The following TULP4 variants were observed in gnomAD, a reference collection of about 807,000 sequenced individuals.
TULP4 encodes the protein TUB like protein 4.
In TULP4, 16 loss-of-function variants were observed where a neutral mutation model predicts 129.0. The ratio of observed to expected loss-of-function variants is 0.12; its 90% confidence interval spans 0.08 to 0.19. The LOEUF (loss-of-function observed/expected upper bound fraction) is 0.19. Ranked by LOEUF, TULP4 falls within the 10% of genes least tolerant of loss-of-function variation. The pLI is 1.00. For missense variants in TULP4, 1,842 were observed against 2,059.1 expected (o/e 0.89, Z 2.04); for synonymous variants, 998 against 854.0 (o/e 1.17, Z -2.94).
intron 1 of TULP4, among the ~76,000 whole-genome samples, chr6:158,304,940 T>A (rs1253001553): frequency 6.6e-6 from 1 of 152,176 alleles, no homozygotes; most frequent in Non-Finnish European, 1.5e-5. Flanking sequence ...GTGTTGGGAT[T>A]ATGGGTGTGA....
intron 1 of TULP4, among the ~76,000 whole-genome samples, chr6:158,322,977 G>A (rs530152860): frequency 2.6e-5 from 4 of 152,184 alleles, no homozygotes; most frequent in Non-Finnish European, 5.9e-5. Context: ...CACGTTTAGC[G>A]CGTGCTTTTC....
intron 13 of TULP4, among the ~76,000 whole-genome samples, chr6:158,505,233 T>C (rs1484593734): frequency 4.6e-5 from 7 of 152,222 alleles, no homozygotes; most frequent in Non-Finnish European, 1.0e-4. Context: ...TTCACCATCC[T>C]GTAAAGTCCC....
At chr6:158,306,192 A>G (rs991422863) in intron 1 of TULP4, among the ~76,000 whole-genome samples, 5 of 152,268 alleles carry the variant, frequency 3.3e-5, no homozygotes, top group African/African-American at 1.2e-4. Context: ...TTAACAGTAT[A>G]TGTGAAATGG....
chr6:158,272,583 C>T (rs2128462462), intron 1 of TULP4, among the ~76,000 whole-genome samples: 1 of 152,292 alleles, frequency 6.6e-6, no homozygotes, highest in Middle Eastern at 3.4e-3. Context: ...TCACTGAAAT[C>T]CCTCCACAGC....
In TULP4 at chr6:158,498,775, C is replaced by T; in HGVS notation, c.1977C>T (p.Asn659=). 1 of 1,614,200 alleles carries T rather than the reference C, an allele frequency of 6.2e-7. No individual in the cohort carries two copies. Among genetic ancestry groups the T allele is most frequent in the Non-Finnish European group, 8.5e-7 (1 of 1,180,024 alleles). The change falls in exon 12 of 14, where the codon AAC becomes AAT. Residue 659 remains asparagine (N), a synonymous_variant. Coordinates refer to ENST00000367097, the MANE Select transcript of TULP4 (RefSeq NM_020245.5). ...SMDYINLPVF[N]PNVFSEDEDD... The stretch of plus-strand genomic sequence containing the variant: ...ACTATATTAATTTACCTGTCTTCAA[C>T]CCAAATGTTTTCAGTGAAGATGAAG...
At chr6:158,245,063 A>G in intron 1 of TULP4, among the ~76,000 whole-genome samples, 1 of 151,852 alleles carries the variant, frequency 6.6e-6, no homozygotes, top group East Asian at 1.9e-4. Flanking sequence ...GATCATGCTT[A>G]CTGCAGCCTG....
chr6:158,440,165 C>G (rs1583877579), intron 3 of TULP4, among the ~76,000 whole-genome samples: 1 of 151,512 alleles, frequency 6.6e-6, no homozygotes, highest in Non-Finnish European at 1.5e-5. Context: ...ACAAAAAATA[C>G]AAAAATTATC....
At chr6:158,234,409 G>A (rs1777650476) in intron 1 of TULP4, among the ~76,000 whole-genome samples, 1 of 152,240 alleles carries the variant, frequency 6.6e-6, no homozygotes, top group Admixed American at 6.5e-5. Flanking sequence ...TTATAGGACA[G>A]TGGGAAGCCC....
rs199987597 is a variant in TULP4, at chr6:158,502,637, C to T, written c.2974C>T (p.Arg992Cys). 430 of 1,587,640 alleles carry T rather than the reference C, an allele frequency of 2.7e-4. 2 individuals carry two copies. The highest frequency in any genetic ancestry group is 2.0e-3 in the East Asian group (88 of 44,652). Residue 992 changes from arginine (R) to cysteine (C), a missense_variant, in exon 13 of 14, where the codon CGT becomes TGT. Coordinates refer to ENST00000367097, the MANE Select transcript of TULP4 (RefSeq NM_020245.5). ...CCACGCTACCCTGCGGAGGAACAAC[C>T]GTGAGGCTACGCTCAAGATGGCCCA... ...LIHATLRRNN[R>C]EATLKMAQLA... is the part of the protein sequence containing the mutation.
intron 1 of TULP4, among the ~76,000 whole-genome samples, chr6:158,393,124 C>T (rs912090634): frequency 6.6e-6 from 1 of 152,150 alleles, no homozygotes; most frequent in Admixed American, 6.5e-5. Flanking sequence ...AAGACTGAAA[C>T]CCAGCAGAAC....
chr6:158,264,118 T>C (rs1778402877), intron 1 of TULP4, among the ~76,000 whole-genome samples: 1 of 152,140 alleles, frequency 6.6e-6, no homozygotes, highest in Non-Finnish European at 1.5e-5. Flanking sequence ...AACAAAATTT[T>C]ACTCATGAAG....
At chr6:158,249,150 G>A (rs531012251) in intron 1 of TULP4, among the ~76,000 whole-genome samples, 2 of 151,560 alleles carry the variant, frequency 1.3e-5, no homozygotes, top group Admixed American at 6.6e-5. Flanking sequence ...AGATGAATGC[G>A]GTTGACACTG....
At chr6:158,431,792 G>A (rs543528091) in intron 3 of TULP4, among the ~76,000 whole-genome samples, 1 of 152,228 alleles carries the variant, frequency 6.6e-6, no homozygotes, top group South Asian at 2.1e-4. Context: ...GGAGTCGGTA[G>A]GACAATGGCC....
At chr6:158,498,886 A>G (rs1562592336) in intron 12 of TULP4, 74 bp downstream of exon 12, 1 of 1,567,336 alleles carries the variant, frequency 6.4e-7, no homozygotes, top group African/African-American at 1.4e-5. Context: ...CAGAGCGGCA[A>G]GTTGTTGAGG....
intron 1 of TULP4, among the ~76,000 whole-genome samples, chr6:158,277,221 G>A (rs1204966421): frequency 6.6e-6 from 1 of 152,168 alleles, no homozygotes; most frequent in African/African-American, 2.4e-5. Flanking sequence ...GATTACAGGC[G>A]TGAGCCACCA....
chr6:158,250,497 G>A (rs1334336383), intron 1 of TULP4, among the ~76,000 whole-genome samples: 1 of 152,174 alleles, frequency 6.6e-6, no homozygotes, highest in African/African-American at 2.4e-5. Flanking sequence ...AAGCAATAAT[G>A]TTTATGAGGT....
intron 1 of TULP4, among the ~76,000 whole-genome samples, chr6:158,383,350 G>A (rs1014485991): frequency 2.6e-5 from 4 of 152,170 alleles, no homozygotes; most frequent in African/African-American, 9.7e-5. Context: ...GCTGTAACAT[G>A]GGATGATTAT....
At chr6:158,339,183 G>A (rs904145790) in intron 1 of TULP4, among the ~76,000 whole-genome samples, 2 of 152,126 alleles carry the variant, frequency 1.3e-5, no homozygotes, top group East Asian at 3.9e-4. Flanking sequence ...TCCTGGGGGA[G>A]ACATCACATG....
intron 1 of TULP4, chr6:158,242,508 C>G (rs565544989): frequency 2.6e-6 from 2 of 779,216 alleles, no homozygotes; most frequent in East Asian, 2.4e-5. Context: ...GTCTGTCTGC[C>G]GGTTGGTACT....
Sources: gnomAD v4.1 joint callset for allele counts (sites outside exome capture counted in the v4.1 genomes callset) on GRCh38, gnomAD v4.1.1 for gene constraint, MANE v1.5 for transcripts, NCBI Gene and HGNC (gene_info 2026-07-23, HGNC 2026-07-21) for gene names.